BCL2: variants seen among roughly 807,000 people sequenced by gnomAD.
The protein encoded by BCL2 is apoptosis regulator Bcl-2.
A neutral mutation model predicts 14.2 loss-of-function variants in BCL2; 1 was observed. That is an observed-to-expected ratio of 0.07 (90% CI 0.02 to 0.33). The LOEUF is 0.33. BCL2 is among the 10% of genes least tolerant of loss of function. The pLI is 0.99. For synonymous variants in BCL2, 151 were observed against 137.2 expected (o/e 1.10, Z -0.70); for missense variants, 247 against 305.9 (o/e 0.81, Z 1.44).
At chr18:63,248,052 G>C (rs1911203299) in intron 2 of BCL2, among the ~76,000 whole-genome samples, 1 of 152,194 alleles carries the variant, frequency 6.6e-6, no homozygotes, top group Admixed American at 6.5e-5. Flanking sequence ...TGATACCAGA[G>C]TCAGCATGTG....
intron 2 of BCL2, among the ~76,000 whole-genome samples, chr18:63,236,795 G>A (rs934770313): frequency 6.6e-6 from 1 of 152,162 alleles, no homozygotes; most frequent in Non-Finnish European, 1.5e-5. Context: ...TTAAGAACAG[G>A]GCACTGCGCT....
intron 2 of BCL2, among the ~76,000 whole-genome samples, chr18:63,153,037 C>T (rs1379831109): frequency 6.6e-6 from 1 of 152,196 alleles, no homozygotes; most frequent in Non-Finnish European, 1.5e-5. Flanking sequence ...CTCCAGAATG[C>T]TCACAGCTCA....
chr18:63,230,636 G>A (rs1354822131), intron 2 of BCL2, among the ~76,000 whole-genome samples: 1 of 151,946 alleles, frequency 6.6e-6, no homozygotes, highest in East Asian at 1.9e-4. Context: ...GGCATAAAAT[G>A]GGTCATAACT....
rs1913584494 is a variant in BCL2 at position 63,318,559 on chromosome 18, G to C, written c.108C>G (p.Gly36=). ...RGYEWDAGDV[G]AAPPGAAPAP... is the part of the protein sequence containing the mutation. The stretch of plus-strand genomic sequence containing the variant: ...CGGGGGCGGCCCCCGGGGGCGCGGC[G>C]CCCACATCTCCCGCATCCCACTCGT... Residue 36 remains glycine (G), a synonymous_variant, in exon 2 of 3, where the codon GGC becomes GGG. Transcript: ENST00000333681. The surrounding 1 kb of genome is among the most constrained non-coding windows in gnomAD (Gnocchi z 7.4). 6.3e-7 allele frequency: 1 copy of C among 1,591,620 alleles called. No individual in the cohort carries two copies. Among genetic ancestry groups the C allele is most frequent in the East Asian group, 2.4e-5 (1 of 42,040 alleles).
intron 2 of BCL2, among the ~76,000 whole-genome samples, chr18:63,207,139 G>A (rs1909859360): frequency 6.6e-6 from 1 of 152,196 alleles, no homozygotes; most frequent in Non-Finnish European, 1.5e-5. Context: ...CTTTCCAAAG[G>A]AGCACAGTGG....
chr18:63,130,266 CA>C (rs776806529), intron 2 of BCL2, among the ~76,000 whole-genome samples: 4 of 152,222 alleles, frequency 2.6e-5, no homozygotes, highest in Admixed American at 6.5e-5. Context: ...TTATTCCCAA[CA>C]ACCCTGACTC....
At chr18:63,144,543 C>T (rs540306351) in intron 2 of BCL2, among the ~76,000 whole-genome samples, 5 of 152,086 alleles carry the variant, frequency 3.3e-5, no homozygotes, top group Non-Finnish European at 5.9e-5. Flanking sequence ...CCGGCTCCCC[C>T]GGAGCAATAA....
intron 2 of BCL2, among the ~76,000 whole-genome samples, chr18:63,198,820 C>CACAGAG (rs1555699186): frequency 5.4e-5 from 2 of 37,262 alleles, no homozygotes; most frequent in African/African-American, 2.3e-4. Context: ...GACACACAGA[C>CACAGAG]ACACAGACAT....
chr18:63,278,847 C>G (rs1266826328), intron 2 of BCL2, among the ~76,000 whole-genome samples: 1 of 152,002 alleles, frequency 6.6e-6, no homozygotes, highest in East Asian at 1.9e-4. Flanking sequence ...GGAAACAGAC[C>G]AGTGGAAAAG....
chr18:63,159,193 A>C (rs1418940108), intron 2 of BCL2, among the ~76,000 whole-genome samples: 2 of 152,246 alleles, frequency 1.3e-5, no homozygotes, highest in Non-Finnish European at 2.9e-5. Context: ...CTGACTAGTG[A>C]GAAAAAGCAT....
At chr18:63,185,287 GATAA>G (rs1915567576) in intron 2 of BCL2, among the ~76,000 whole-genome samples, 1 of 152,240 alleles carries the variant, frequency 6.6e-6, no homozygotes, top group Non-Finnish European at 1.5e-5. Context: ...GCAGTGTCGT[GATAA>G]AAGGACAGGT....
intron 2 of BCL2, among the ~76,000 whole-genome samples, chr18:63,259,054 T>G (rs1038493522): frequency 2.6e-5 from 4 of 152,198 alleles, no homozygotes; most frequent in African/African-American, 9.6e-5. Context: ...TAAAAAGACA[T>G]TCTAAGTGCT....
chr18:63,312,615 C>T (rs1215907982), intron 2 of BCL2, among the ~76,000 whole-genome samples: 2 of 152,196 alleles, frequency 1.3e-5, no homozygotes, highest in East Asian at 1.9e-4. Flanking sequence ...TAACTAGCAT[C>T]GTAGAAGTGT....
At chr18:63,174,644 A>AC (rs759758868) in intron 2 of BCL2, among the ~76,000 whole-genome samples, 1 of 152,086 alleles carries the variant, frequency 6.6e-6, no homozygotes, top group African/African-American at 2.4e-5. Context: ...ACATGGTGAA[A>AC]CCCCGTCTCT....
At chr18:63,222,028 C>T (rs1422220177) in intron 2 of BCL2, among the ~76,000 whole-genome samples, 1 of 152,078 alleles carries the variant, frequency 6.6e-6, no homozygotes, top group Non-Finnish European at 1.5e-5. Flanking sequence ...TGCCTGTAAT[C>T]CCAGCACTTT....
intron 2 of BCL2, among the ~76,000 whole-genome samples, chr18:63,137,238 C>A (rs184745671): frequency 6.6e-6 from 1 of 152,346 alleles, no homozygotes. Context: ...AAGCAACTTT[C>A]TCCAAATCCC....
chr18:63,198,595 GACACACACACAGAC>G (rs1909539467), intron 2 of BCL2, among the ~76,000 whole-genome samples: 1 of 135,138 alleles, frequency 7.4e-6, no homozygotes, highest in Non-Finnish European at 1.6e-5. Context: ...TAGACACAGA[GACACACACACAGAC>G]ACACACTGAC....
At chr18:63,182,600 C>T (rs1351916179) in intron 2 of BCL2, among the ~76,000 whole-genome samples, 1 of 152,188 alleles carries the variant, frequency 6.6e-6, no homozygotes, top group Non-Finnish European at 1.5e-5. Flanking sequence ...ACCACAGCCA[C>T]CCTGCATATT....
At chr18:63,173,208 T>C (rs1173232346) in intron 2 of BCL2, among the ~76,000 whole-genome samples, 1 of 152,140 alleles carries the variant, frequency 6.6e-6, no homozygotes, top group Non-Finnish European at 1.5e-5. Flanking sequence ...CACAAGAAGT[T>C]TAGCTCCAAT....
Sources: allele counts gnomAD v4.1 joint callset (sites outside exome capture counted in the v4.1 genomes callset), GRCh38; gene constraint gnomAD v4.1.1; non-coding constraint Gnocchi (gnomAD v3.1); transcripts MANE v1.5; gene names NCBI Gene and HGNC (gene_info 2026-07-23, HGNC 2026-07-21).